ACTR3C: variants seen among roughly 807,000 people sequenced by gnomAD.
The protein encoded by ACTR3C is actin-related protein 3C.
ACTR3C carries 18 observed loss-of-function variants against 26.3 expected under a neutral mutation model. The ratio of observed to expected loss-of-function variants is 0.68; its 90% CI spans 0.47 to 1.01. The LOEUF is 1.01. Among genes scored for constraint, ACTR3C ranks in the 50% least tolerant of loss-of-function variants. The pLI is 0.00. For missense variants in ACTR3C, 184 were observed against 250.7 expected (o/e 0.73, Z 1.80); for synonymous variants, 55 against 94.5 (o/e 0.58, Z 2.42).
At chr7:150,276,387 GGTTAA>G (rs1834886168) in intron 6 of ACTR3C, among the ~76,000 whole-genome samples, 1 of 152,094 alleles carries the variant, frequency 6.6e-6, no homozygotes, top group African/African-American at 2.4e-5. Context: ...GACCACCACA[GGTTAA>G]GAGGACAGCC....
chr7:150,067,209 CTTCTT>C, the ACTR3C span, among the ~76,000 whole-genome samples: 2 of 152,214 alleles, frequency 1.3e-5, no homozygotes, highest in Non-Finnish European at 2.9e-5. Flanking sequence ...CCAGGAGTTC[CTTCTT>C]ACATTGAATT....
the ACTR3C span, among the ~76,000 whole-genome samples, chr7:150,177,507 T>C: frequency 6.6e-6 from 1 of 150,896 alleles, no homozygotes; most frequent in South Asian, 2.1e-4. Context: ...GACAATACAG[T>C]GGTAAAAGTC....
chr7:150,273,874 C>T (rs1293501913), intron 6 of ACTR3C, among the ~76,000 whole-genome samples: 1 of 152,098 alleles, frequency 6.6e-6, no homozygotes, highest in Non-Finnish European at 1.5e-5. Context: ...CCCCTCCTTC[C>T]CTGACTCCTC....
At position 150,312,866 on chromosome 7, in the gene ACTR3C, A is replaced by T. The variant is rs574464033; in HGVS notation, c.-52+10603T>A. Among the ~76,000 whole-genome samples the T allele has an allele frequency of 2.0e-5, 3 of 152,302 alleles. No homozygotes were observed. The South Asian group carries it at 6.2e-4, about 32-fold the overall frequency. ...AGCCATTGTAACCCCTGTGACCTGC[A>T]CATATATGTCCAGATGGCCTGCAGG... On this transcript the variant is annotated intron_variant, in intron 1 of 7. Coordinates refer to ENST00000683684, the MANE Select transcript of ACTR3C (RefSeq NM_001164458.2).
chr7:150,042,496 G>A, the ACTR3C span, among the ~76,000 whole-genome samples: 48 of 144,600 alleles, frequency 3.3e-4, 1 homozygote, highest in Non-Finnish European at 5.8e-4. Flanking sequence ...TCCCCGCCTC[G>A]CGGGGATTGC....
chr7:150,052,556 A>G, the ACTR3C span, among the ~76,000 whole-genome samples: 1 of 131,406 alleles, frequency 7.6e-6, no homozygotes. Context: ...CCAATAGCAC[A>G]TGTCTCTGCA....
the ACTR3C span, among the ~76,000 whole-genome samples, chr7:150,010,050 G>A: frequency 6.6e-6 from 1 of 152,238 alleles, no homozygotes; most frequent in South Asian, 2.1e-4. Flanking sequence ...GTCCCGAGAG[G>A]TTGGTGCTGA....
chr7:150,301,890 C>A (rs1373283127), intron 1 of ACTR3C, among the ~76,000 whole-genome samples: 1 of 151,930 alleles, frequency 6.6e-6, no homozygotes, highest in Non-Finnish European at 1.5e-5. Flanking sequence ...AATTCGTGTT[C>A]AATGGGGACA....
the ACTR3C span, among the ~76,000 whole-genome samples, chr7:150,052,783 C>A: frequency 1.8e-5 from 2 of 109,224 alleles, no homozygotes; most frequent in Non-Finnish European, 2.0e-5. Flanking sequence ...GGGCTGCTCA[C>A]AACCTTACCA....
At chr7:149,961,575 G>T in the ACTR3C span, among the ~76,000 whole-genome samples, 1 of 152,016 alleles carries the variant, frequency 6.6e-6, no homozygotes, top group Non-Finnish European at 1.5e-5. Context: ...CTTACAGGAA[G>T]TGCATAGATA....
chr7:150,059,812 G>A, the ACTR3C span, among the ~76,000 whole-genome samples: 1 of 152,202 alleles, frequency 6.6e-6, no homozygotes, highest in Non-Finnish European at 1.5e-5. Flanking sequence ...AGTTGAAGAT[G>A]ACAGGCTTGA....
chr7:150,279,727 C>T (rs923932755), intron 6 of ACTR3C, among the ~76,000 whole-genome samples: 3 of 152,212 alleles, frequency 2.0e-5, no homozygotes, highest in Non-Finnish European at 4.4e-5. Context: ...TCAGACTCAG[C>T]TCAGATGGCA....
At chr7:150,164,115 G>C in the ACTR3C span, among the ~76,000 whole-genome samples, 2 of 152,072 alleles carry the variant, frequency 1.3e-5, no homozygotes, top group African/African-American at 4.8e-5. Flanking sequence ...GAAGGGGAGA[G>C]ATGCGGGCAC....
chr7:149,954,088 T>C, the ACTR3C span, among the ~76,000 whole-genome samples: 1 of 147,398 alleles, frequency 6.8e-6, no homozygotes, highest in East Asian at 2.0e-4. Flanking sequence ...TTTTCCCATC[T>C]TGTTCCTTTT....
chr7:150,057,211 G>C, the ACTR3C span, among the ~76,000 whole-genome samples: 19 of 150,448 alleles, frequency 1.3e-4, no homozygotes, highest in Non-Finnish European at 2.4e-4. Context: ...AAGATACCTG[G>C]TTATAATACT....
At chr7:150,034,929 A>C in the ACTR3C span, among the ~76,000 whole-genome samples, 60 of 143,224 alleles carry the variant, frequency 4.2e-4, 2 homozygotes, top group African/African-American at 1.3e-3. Flanking sequence ...TGGGGGTACT[A>C]ACAGCCAGGG....
the ACTR3C span, among the ~76,000 whole-genome samples, chr7:150,216,643 C>G: frequency 6.6e-6 from 1 of 152,092 alleles, no homozygotes; most frequent in Non-Finnish European, 1.5e-5. Context: ...CTCATACCCT[C>G]TGGGACCTGC....
the ACTR3C span, among the ~76,000 whole-genome samples, chr7:150,034,941 C>T: frequency 5.6e-3 from 715 of 127,104 alleles, 24 homozygotes; most frequent in South Asian, 0.029. Flanking sequence ...CAGCCAGGGG[C>T]GGAAGAGGGG....
At chr7:149,956,637 C>T in the ACTR3C span, among the ~76,000 whole-genome samples, 11,446 of 151,698 alleles carry the variant, frequency 0.075, 1,297 homozygotes, top group African/African-American at 0.25. Context: ...GCAAACAGAA[C>T]CATGGTTGTT....
Sources: gnomAD v4.1 joint callset for allele counts (sites outside exome capture counted in the v4.1 genomes callset) on GRCh38, gnomAD v4.1.1 for gene constraint, MANE v1.5 for transcripts, NCBI Gene and HGNC (gene_info 2026-07-23, HGNC 2026-07-21) for gene names.